The following WWC2 variants were observed in gnomAD, a reference collection of about 807,000 sequenced individuals.
WWC2 encodes the protein protein WWC2.
In WWC2, 101 loss-of-function variants were observed where a neutral mutation model predicts 138.5. The ratio of observed to expected loss-of-function variants is 0.73; its 90% CI spans 0.62 to 0.86. The LOEUF (loss-of-function observed/expected upper bound fraction) is 0.86. WWC2 is among the 40% of genes least tolerant of loss of function. The probability of loss-of-function intolerance (pLI) is 0.00; values close to 1 mark genes in which losing one functional copy is unlikely to be tolerated. For synonymous variants in WWC2, 558 were observed against 538.4 expected (o/e 1.04, Z -0.50); for missense variants, 1,420 against 1,419.4 (o/e 1.00, Z -0.01).
Position 183,261,490 on chromosome 4 carries a change from C to T in WWC2, c.1867C>T (p.Leu623Phe). Residue 623 changes from leucine to phenylalanine, a missense_variant, in exon 11 of 23, where the codon CTT (leucine) becomes TTT (phenylalanine). Coordinates refer to ENST00000403733, the MANE Select transcript of WWC2 (RefSeq NM_024949.6). ...ASQSLSEDKD[L>F]NECAREPLYE... is the part of the protein sequence containing the mutation. ...CCAGTCTCTTTCAGAGGATAAAGAC[C>T]TTAATGAATGTGCTAGGGAGCCATT... 1 of 1,612,844 alleles carries T rather than the reference C, an allele frequency of 6.2e-7. No individual in the cohort carries two copies. The highest frequency in any genetic ancestry group is 8.5e-7 in the Non-Finnish European group (1 of 1,179,468).
chr4:183,164,265 CATATATATATATATATATATAT>C (rs1300397704), intron 1 of WWC2, among the ~76,000 whole-genome samples: 1 of 72,844 alleles, frequency 1.4e-5, no homozygotes, highest in African/African-American at 5.8e-5. Flanking sequence ...TTGGTGTGCG[CATATATATATATATATATATAT>C]ATATATATAT....
chr4:183,319,260 A>G lies in WWC2; in HGVS notation c.*3531A>G. 1 of 280,340 alleles carries G rather than the reference A, an allele frequency of 3.6e-6. No homozygotes were observed. The highest frequency in any genetic ancestry group is 6.7e-5 in the East Asian group (1 of 14,842). 17.4% of individuals were successfully genotyped at this position (280,340 alleles called of 1,614,324 possible). A position where few individuals can be genotyped will look rare whatever the true frequency, so the allele number is the denominator to read the frequency against. On this transcript the variant is annotated 3_prime_UTR_variant, in exon 23 of 23. Transcript: ENST00000403733. ...CCGCTCCATATGAATAATACCTTCA[A>G]AGATACATAGAGATTAATGTTTTAT...
Position 183,319,869 on chromosome 4 carries a change from C to A in WWC2, c.*4140C>A. 6.2e-7 allele frequency: 1 copy of A among 1,613,950 alleles called. No individual in the cohort carries two copies. Among genetic ancestry groups the A allele is most frequent in the African/African-American group, 1.3e-5 (1 of 75,020 alleles). On this transcript the variant is annotated 3_prime_UTR_variant, in exon 23 of 23. Transcript: ENST00000403733. ...CAGAATTCCTCCCAGGATCAGCAGT[C>A]GCCTCTTGAGATCTCTCTGACTCTC...
chr4:183,284,701 G>A (rs961698705), intron 19 of WWC2, among the ~76,000 whole-genome samples: 3 of 152,082 alleles, frequency 2.0e-5, no homozygotes, highest in Non-Finnish European at 4.4e-5. Flanking sequence ...AACATAAAGT[G>A]GTTTTTTGAG....
intron 4 of WWC2, among the ~76,000 whole-genome samples, chr4:183,215,301 G>A (rs899724301): frequency 3.3e-5 from 5 of 152,212 alleles, no homozygotes; most frequent in African/African-American, 1.2e-4. Flanking sequence ...TTGGACCGCA[G>A]TTGACTGCAG....
At position 183,320,148 on chromosome 4, in the gene WWC2, GA is replaced by G; in HGVS notation, c.*4420del. ...GTGTGGCAGGTAGTTTGTAAGACAG[GA>G]TAAAACCCATCCCAGCAAAGATAAT... On this transcript the variant is annotated 3_prime_UTR_variant, in exon 23 of 23. Coordinates refer to ENST00000403733, the MANE Select transcript of WWC2 (RefSeq NM_024949.6). 10 of 1,614,084 alleles carry G rather than the reference GA, an allele frequency of 6.2e-6. No individual in the cohort carries two copies. The highest frequency in any genetic ancestry group is 6.8e-6 in the Non-Finnish European group (8 of 1,180,036).
rs1157476305 is a variant in WWC2, at chr4:183,212,221, G to GA, written c.522+3201dup. 3.9e-5 allele frequency among the ~76,000 whole-genome samples: 6 copies of GA among 152,132 alleles called. No homozygotes were observed. In the South Asian group the frequency reaches 1.0e-3, roughly 26 times the overall value. On this transcript the variant is annotated intron_variant, in intron 4 of 22. Transcript: ENST00000403733. ...CTCATAATTTTTCTATTTCTTTTTA[G>GA]AAAAAGAGTATGAAAAAGGTTTGTC...
chr4:183,121,783 A>C (rs1561424106), intron 1 of WWC2, among the ~76,000 whole-genome samples: 2 of 148,572 alleles, frequency 1.3e-5, no homozygotes, highest in Admixed American at 6.7e-5. Flanking sequence ...CTTGTTAAGA[A>C]GCTTTTTTTT....
At chr4:183,288,415 A>G (rs944327567) in intron 20 of WWC2, among the ~76,000 whole-genome samples, 25 of 152,154 alleles carry the variant, frequency 1.6e-4, no homozygotes, top group Admixed American at 1.6e-3. Flanking sequence ...TCTGCCAATA[A>G]TCTAGGCAAG....
intron 5 of WWC2, among the ~76,000 whole-genome samples, chr4:183,244,833 G>A (rs886491036): frequency 1.3e-5 from 2 of 152,068 alleles, no homozygotes; most frequent in African/African-American, 4.8e-5. Context: ...ATCAGGATCA[G>A]CACTTGATAA....
chr4:183,187,424 C>T (rs932463687), intron 1 of WWC2, among the ~76,000 whole-genome samples: 5 of 151,156 alleles, frequency 3.3e-5, no homozygotes, highest in African/African-American at 1.2e-4. Context: ...CATGGTGGCA[C>T]GCACCTGTAG....
At position 183,208,027 on chromosome 4, in the gene WWC2, G is replaced by C. The variant is rs1735491591; in HGVS notation, c.316G>C (p.Val106Leu). Reference protein sequence around the residue: ...QEKMLKDYLSVAQDALRTQKE... With the variant: ...QEKMLKDYLSLAQDALRTQKE... ...GAAGATGCTCAAGGACTACCTCTCT[G>C]TGGCACAGGATGCCCTCCGGACACA... is the stretch of plus-strand genomic sequence containing the variant. The change falls in exon 3 of 23, where the codon GTG becomes CTG. Residue 106 changes from valine to leucine, a missense_variant. By Grantham distance (32) the Val-to-Leu change is conservative (BLOSUM62 1). Transcript: ENST00000403733. The C allele has an allele frequency of 1.2e-6, 2 of 1,613,762 alleles. No individual in the cohort carries two copies. Among genetic ancestry groups the C allele is most frequent in the South Asian group, 2.2e-5 (2 of 91,080 alleles).
chr4:183,171,291 G>A (rs1352450682), intron 1 of WWC2, among the ~76,000 whole-genome samples: 1 of 152,046 alleles, frequency 6.6e-6, no homozygotes, highest in Non-Finnish European at 1.5e-5. Context: ...ATATTATTTG[G>A]TGTCTTTTAA....
intron 1 of WWC2, among the ~76,000 whole-genome samples, chr4:183,178,494 T>A (rs1293129833): frequency 6.6e-6 from 1 of 151,266 alleles, no homozygotes; most frequent in Non-Finnish European, 1.5e-5. Context: ...GGCAGGAGGA[T>A]CACTTGAGCC....
At chr4:183,176,885 A>G (rs1734485338) in intron 1 of WWC2, among the ~76,000 whole-genome samples, 1 of 152,118 alleles carries the variant, frequency 6.6e-6, no homozygotes, top group Non-Finnish European at 1.5e-5. Flanking sequence ...TGCCCTCCTC[A>G]TGGAGGAGTT....
chr4:183,263,195 G>A (rs939719708), intron 11 of WWC2, among the ~76,000 whole-genome samples: 2 of 152,284 alleles, frequency 1.3e-5, no homozygotes, highest in East Asian at 3.9e-4. Context: ...GACCTTTCAA[G>A]GTAGTTTTGC....
At chr4:183,129,601 GTA>G (rs1377016955) in intron 1 of WWC2, among the ~76,000 whole-genome samples, 1 of 152,172 alleles carries the variant, frequency 6.6e-6, no homozygotes, top group African/African-American at 2.4e-5. Flanking sequence ...TTATGAAGTG[GTA>G]TGTTTCTTAT....
intron 1 of WWC2, among the ~76,000 whole-genome samples, chr4:183,149,468 C>T (rs1224089610): frequency 1.3e-5 from 2 of 151,904 alleles, no homozygotes; most frequent in Non-Finnish European, 2.9e-5. Context: ...ACTGAAAATA[C>T]AAAATTAGCC....
intron 1 of WWC2, among the ~76,000 whole-genome samples, chr4:183,113,766 G>T (rs1377393760): frequency 6.7e-6 from 1 of 150,316 alleles, no homozygotes; most frequent in East Asian, 2.0e-4. Context: ...AGGAATTACA[G>T]ATTTTTTTTT....
Sources: gnomAD v4.1 joint callset for allele counts (sites outside exome capture counted in the v4.1 genomes callset) on GRCh38, gnomAD v4.1.1 for gene constraint, MANE v1.5 for transcripts, NCBI Gene and HGNC (gene_info 2026-07-23, HGNC 2026-07-21) for gene names.